Variants in ZNF385D observed in about 807,000 individuals in gnomAD.
The protein encoded by ZNF385D is zinc finger protein 659.
Under a neutral mutation model 35.8 loss-of-function variants are expected in ZNF385D, and 15 were observed. That is an observed-to-expected ratio of 0.42 (90% CI 0.28 to 0.64). ZNF385D has a LOEUF of 0.64. Ranked by LOEUF, ZNF385D falls within the 30% of genes least tolerant of loss-of-function variation. The probability of loss-of-function intolerance (pLI) is 0.23; values close to 1 mark genes in which losing one functional copy is unlikely to be tolerated. For missense variants in ZNF385D, 474 were observed against 494.6 expected (o/e 0.96, Z 0.39); for synonymous variants, 212 against 186.8 (o/e 1.13, Z -1.10).
At chr3:21,989,437 G>C (rs762223103) in intron 3 of ZNF385D, among the ~76,000 whole-genome samples, 1 of 151,998 alleles carries the variant, frequency 6.6e-6, no homozygotes, top group African/African-American at 2.4e-5. Context: ...TGCAACAGTC[G>C]GAAACTAATT....
intron 3 of ZNF385D, among the ~76,000 whole-genome samples, chr3:21,784,994 G>C (rs1229099548): frequency 6.6e-6 from 1 of 151,952 alleles, no homozygotes; most frequent in African/African-American, 2.4e-5. Flanking sequence ...TGCTATCTGA[G>C]GCAGGTACTC....
At chr3:21,667,736 A>G (rs1369092425) in intron 1 of ZNF385D, among the ~76,000 whole-genome samples, 1 of 152,218 alleles carries the variant, frequency 6.6e-6, no homozygotes, top group East Asian at 1.9e-4. Context: ...AAAGAAGTTA[A>G]GGAATAGCTC....
intron 4 of ZNF385D, among the ~76,000 whole-genome samples, chr3:21,473,524 T>A (rs1323326584): frequency 6.6e-6 from 1 of 152,068 alleles, no homozygotes; most frequent in Non-Finnish European, 1.5e-5. Flanking sequence ...ATACTGCAAG[T>A]GGCCCCTTGT....
intron 4 of ZNF385D, among the ~76,000 whole-genome samples, chr3:21,461,876 T>C (rs1030150976): frequency 1.2e-4 from 18 of 152,218 alleles, no homozygotes; most frequent in Non-Finnish European, 2.2e-4. Context: ...GACAAAGACA[T>C]ATCTGTGGCC....
intron 2 of ZNF385D, among the ~76,000 whole-genome samples, chr3:22,366,169 C>T (rs1696648119): frequency 6.6e-6 from 1 of 152,032 alleles, no homozygotes; most frequent in South Asian, 2.1e-4. Context: ...GGCATAGTTT[C>T]TTATCTCTAA....
intron 2 of ZNF385D, among the ~76,000 whole-genome samples, chr3:22,290,252 G>T (rs1277044349): frequency 6.6e-6 from 1 of 152,086 alleles, no homozygotes; most frequent in Admixed American, 6.5e-5. Flanking sequence ...TAAGATTTGT[G>T]CCTGAATGTG....
intron 3 of ZNF385D, among the ~76,000 whole-genome samples, chr3:22,159,235 A>G (rs531303058): frequency 2.6e-4 from 40 of 152,240 alleles, no homozygotes; most frequent in Middle Eastern, 3.4e-3. Context: ...TCCCACGCAC[A>G]TACATGCAGA....
At chr3:21,440,203 T>C (rs1274871675) in intron 4 of ZNF385D, among the ~76,000 whole-genome samples, 1 of 152,108 alleles carries the variant, frequency 6.6e-6, no homozygotes, top group East Asian at 1.9e-4. Context: ...TACTTTAATA[T>C]GGTACATTAA....
chr3:21,891,119 A>G (rs3912209), intron 3 of ZNF385D, among the ~76,000 whole-genome samples: 8,327 of 152,298 alleles, frequency 0.055, 369 homozygotes, highest in East Asian at 0.18. Context: ...GTAATACTCT[A>G]TAAGATTTTT....
At chr3:21,518,602 G>C (rs1197270478) in intron 3 of ZNF385D, among the ~76,000 whole-genome samples, 1 of 152,010 alleles carries the variant, frequency 6.6e-6, no homozygotes, top group East Asian at 1.9e-4. Context: ...CTAATCCACT[G>C]TTTTATTTGC....
intron 3 of ZNF385D, among the ~76,000 whole-genome samples, chr3:21,833,910 T>C (rs974515801): frequency 3.3e-5 from 5 of 152,194 alleles, no homozygotes; most frequent in African/African-American, 1.2e-4. Flanking sequence ...TAGAATATGC[T>C]AGCTAGTATA....
chr3:21,541,586 C>A (rs919993736), intron 3 of ZNF385D, among the ~76,000 whole-genome samples: 3 of 152,128 alleles, frequency 2.0e-5, no homozygotes, highest in Admixed American at 1.3e-4. Context: ...ATATGAGTTA[C>A]CTTTTCTTAA....
intron 3 of ZNF385D, among the ~76,000 whole-genome samples, chr3:21,521,450 A>T (rs1466638099): frequency 6.6e-6 from 1 of 152,212 alleles, no homozygotes; most frequent in Non-Finnish European, 1.5e-5. Context: ...TAAAAAATTA[A>T]GTTGCATGTA....
chr3:22,080,432 C>T (rs572079005), intron 3 of ZNF385D, among the ~76,000 whole-genome samples: 31 of 152,148 alleles, frequency 2.0e-4, no homozygotes, highest in African/African-American at 7.5e-4. Flanking sequence ...AATCTGTTTT[C>T]ACCCCATATT....
intron 3 of ZNF385D, among the ~76,000 whole-genome samples, chr3:22,112,847 A>T (rs1009000828): frequency 1.6e-4 from 24 of 151,968 alleles, no homozygotes; most frequent in Non-Finnish European, 3.2e-4. Flanking sequence ...ATGGGGGGGA[A>T]AAAAAACAGA....
intron 2 of ZNF385D, among the ~76,000 whole-genome samples, chr3:21,625,836 T>A (rs1179892230): frequency 3.3e-5 from 5 of 152,162 alleles, no homozygotes; most frequent in Non-Finnish European, 5.9e-5. Context: ...AGAATACTTT[T>A]ATCATCACAG....
chr3:21,470,495 T>C (rs1703815669), intron 4 of ZNF385D, among the ~76,000 whole-genome samples: 2 of 152,276 alleles, frequency 1.3e-5, no homozygotes, highest in Non-Finnish European at 1.5e-5. Flanking sequence ...TATAGTTTCA[T>C]AGAAGTACTA....
chr3:21,695,725 C>G (rs1395214180), intron 1 of ZNF385D, among the ~76,000 whole-genome samples: 1 of 151,112 alleles, frequency 6.6e-6, no homozygotes, highest in Non-Finnish European at 1.5e-5. Flanking sequence ...TTTATCCTTG[C>G]TAGTCAAACT....
At chr3:21,794,486 C>T (rs1196000721) in intron 3 of ZNF385D, among the ~76,000 whole-genome samples, 2 of 152,068 alleles carry the variant, frequency 1.3e-5, no homozygotes, top group African/African-American at 4.8e-5. Context: ...TTATACACAA[C>T]AGGAAGTTAT....
Sources: allele counts gnomAD v4.1 joint callset (sites outside exome capture counted in the v4.1 genomes callset), GRCh38; gene constraint gnomAD v4.1.1; transcripts MANE v1.5; gene names NCBI Gene and HGNC (gene_info 2026-07-23, HGNC 2026-07-21).